PDE6A: variants seen among roughly 807,000 people sequenced by gnomAD.
The protein encoded by PDE6A is phosphodiesterase 6A, also known as rod cGMP-specific 3',5'-cyclic phosphodiesterase subunit alpha.
A neutral mutation model predicts 106.3 loss-of-function variants in PDE6A; 84 were observed. The observed-to-expected ratio is 0.79, with a 90% CI of 0.66 to 0.95. The LOEUF (loss-of-function observed/expected upper bound fraction) is 0.95. Among genes scored for constraint, PDE6A ranks in the 40% least tolerant of loss-of-function variants. The pLI is 0.00. For missense variants in PDE6A, 1,052 were observed against 1,084.9 expected (o/e 0.97, Z 0.43); for synonymous variants, 394 against 386.6 (o/e 1.02, Z -0.23).
chr5:149,887,396 T>C (rs1261828381), intron 13 of PDE6A, among the ~76,000 whole-genome samples: 1 of 152,152 alleles, frequency 6.6e-6, no homozygotes, highest in Non-Finnish European at 1.5e-5. Flanking sequence ...GGGCCAGGCA[T>C]GGCAGGTCAC....
intron 5 of PDE6A, among the ~76,000 whole-genome samples, chr5:149,918,138 T>C (rs1172460476): frequency 6.6e-6 from 1 of 152,230 alleles, no homozygotes; most frequent in African/African-American, 2.4e-5. Flanking sequence ...TTGACCCACA[T>C]GTGGTGATGG....
chr5:149,889,972 T>C (rs1486414917), intron 13 of PDE6A, among the ~76,000 whole-genome samples: 2 of 150,784 alleles, frequency 1.3e-5, no homozygotes, highest in Non-Finnish European at 3.0e-5. Context: ...TTTTTTTTTT[T>C]TGAGACAGAG....
chr5:149,882,892 G>T (rs1411460909), intron 17 of PDE6A, among the ~76,000 whole-genome samples: 1 of 151,964 alleles, frequency 6.6e-6, no homozygotes, highest in Non-Finnish European at 1.5e-5. Context: ...ACCCGGTCTC[G>T]ACTAAAAATA....
intron 4 of PDE6A, among the ~76,000 whole-genome samples, chr5:149,923,505 TAACATA>T (rs1374779311): frequency 1.7e-3 from 5 of 2,950 alleles, no homozygotes; most frequent in Non-Finnish European, 1.8e-3. Context: ...CTCAAATAAA[TAACATA>T]ACATAACATA....
chr5:149,934,402 G>A (rs1382042368), intron 2 of PDE6A, among the ~76,000 whole-genome samples, 164 bp downstream of exon 2: 1 of 152,248 alleles, frequency 6.6e-6, no homozygotes, highest in Non-Finnish European at 1.5e-5. Context: ...AAAGCCCAAT[G>A]TCTTAACTAT....
intron 8 of PDE6A, among the ~76,000 whole-genome samples, chr5:149,901,098 T>C (rs1271136546): frequency 6.6e-6 from 1 of 152,106 alleles, no homozygotes; most frequent in East Asian, 1.9e-4. Context: ...GTATTTTTAG[T>C]AGAGACAGAG....
intron 8 of PDE6A, 62 bp downstream of exon 8, chr5:149,903,586 T>A: frequency 7.9e-7 from 1 of 1,269,766 alleles, no homozygotes; most frequent in Non-Finnish European, 1.2e-6. Flanking sequence ...TAATGTATTC[T>A]AATGCTCTTT....
At chr5:149,896,033 TG>T (rs546204302) in intron 12 of PDE6A, among the ~76,000 whole-genome samples, 28 of 152,220 alleles carry the variant, frequency 1.8e-4, no homozygotes, top group Non-Finnish European at 3.5e-4. Context: ...CCTGTTTAAA[TG>T]GGTTTAGCCC....
chr5:149,899,433 G>A lies in PDE6A; in HGVS notation c.1205C>T (p.Thr402Ile), dbSNP rs747185557. ...NKKEEIVGVATFYNRKDGKPF... is the reference protein window; with the variant it reads ...NKKEEIVGVAIFYNRKDGKPF... ...CTTCCCATCTTTACGATTGTAAAAT[G>A]TGGCCACTCCAACAATTTCTTCCTT... Residue 402 changes from threonine (T) to isoleucine (I), a missense_variant, in exon 9 of 22, where the codon ACA (threonine) becomes ATA (isoleucine). By Grantham distance (89) the Thr-to-Ile change is moderately conservative. Transcript: ENST00000255266. 1.2e-6 allele frequency: 2 copies of A among 1,613,988 alleles called. No individual in the cohort carries two copies. The highest frequency in any genetic ancestry group is 4.5e-5 in the East Asian group (2 of 44,900).
chr5:149,939,231 G>T (rs977263092), intron 1 of PDE6A, among the ~76,000 whole-genome samples: 1 of 152,188 alleles, frequency 6.6e-6, no homozygotes, highest in Admixed American at 6.5e-5. Context: ...TCCAGGGAAG[G>T]TGAGGTGTGG....
At chr5:149,903,836 C>T (rs1753079189) in intron 7 of PDE6A, 141 bp from the exon 8 acceptor site, 3 of 785,518 alleles carry the variant, frequency 3.8e-6, no homozygotes, top group African/African-American at 1.7e-5. Context: ...ATAGTCGAGA[C>T]AGTTTTCAAT....
At chr5:149,901,344 C>G (rs542435039) in intron 8 of PDE6A, among the ~76,000 whole-genome samples, 1 of 152,212 alleles carries the variant, frequency 6.6e-6, no homozygotes, top group East Asian at 2.0e-4. Flanking sequence ...CCCTGACCAA[C>G]ATGGTGAAAC....
At position 149,860,653 on chromosome 5, in the gene PDE6A, A is replaced by ATT. The variant is rs36043437; in HGVS notation, c.*240_*241dup. 1,945 of 334,256 alleles carry ATT rather than the reference A, an allele frequency of 5.8e-3. No homozygotes were observed. The highest frequency in any genetic ancestry group is 9.4e-3 in the Middle Eastern group (11 of 1,172). The allele number at this position is 334,256 out of a possible 1,614,324, so 20.7% of individuals were successfully genotyped here. On this transcript the variant is annotated 3_prime_UTR_variant, in exon 22 of 22. Coordinates refer to ENST00000255266, the MANE Select transcript of PDE6A (RefSeq NM_000440.3). ...CATTATGAAATTTTTTTTTTTGGCG[A>ATT]TTTTTTTTTTTAAGTTCAACAGCTA...
chr5:149,920,942 A>AAG (rs1554091212), intron 5 of PDE6A, among the ~76,000 whole-genome samples: 286 of 108,306 alleles, frequency 2.6e-3, no homozygotes, highest in African/African-American at 0.011. Context: ...GAAAGAGAGA[A>AAG]AAAGAAAGAA....
At chr5:149,922,606 C>A (rs905397362) in intron 4 of PDE6A, among the ~76,000 whole-genome samples, 4 of 152,200 alleles carry the variant, frequency 2.6e-5, no homozygotes, top group African/African-American at 9.7e-5. Flanking sequence ...GCCACCATGC[C>A]TGGCCCACAA....
In PDE6A at chr5:149,883,500, A is replaced by G. The variant is rs952946602; in HGVS notation, c.2064T>C (p.Ser688=). ...ACTCCTGTTCACTCTCATATGTCTT[A>G]GACTGATCCACGATCTTTTGGAACA... The part of the protein sequence containing the change: ...RTMFQKIVDQ[S]KTYESEQEWT... The change falls in exon 17 of 22, where the codon TCT becomes TCC. Residue 688 remains serine, a synonymous_variant. Transcript: ENST00000255266. 1.2e-6 allele frequency: 2 copies of G among 1,613,674 alleles called. No individual in the cohort carries two copies. Among genetic ancestry groups the G allele is most frequent in the Admixed American group, 1.7e-5 (1 of 60,032 alleles).
intron 6 of PDE6A, among the ~76,000 whole-genome samples, chr5:149,909,071 GGCT>G (rs1486148337): frequency 6.6e-6 from 1 of 151,690 alleles, no homozygotes; most frequent in Non-Finnish European, 1.5e-5. Flanking sequence ...GTGTTGTCCA[GGCT>G]GTTCTTGAAT....
intron 4 of PDE6A, among the ~76,000 whole-genome samples, chr5:149,922,810 A>T (rs1753759852): frequency 6.6e-6 from 1 of 152,256 alleles, no homozygotes; most frequent in Non-Finnish European, 1.5e-5. Context: ...GACACCTGTA[A>T]GATAAGTGGC....
rs1355757797 is a variant in PDE6A at position 149,858,499 on chromosome 5, G to T, written c.*2396C>A. The T allele has an allele frequency of 6.6e-6, 1 of 152,298 alleles. No individual in the cohort carries two copies. The highest frequency in any genetic ancestry group is 2.1e-4 in the South Asian group (1 of 4,830). The allele number at this position is 152,298 out of a possible 1,614,324, so 9.4% of individuals were successfully genotyped here. A position where few individuals can be genotyped will look rare whatever the true frequency, so the allele number is the denominator to read the frequency against. On this transcript the variant is annotated 3_prime_UTR_variant, in exon 22 of 22. Coordinates refer to ENST00000255266, the MANE Select transcript of PDE6A (RefSeq NM_000440.3). ...TTTAAAAGAAATAAGTCCTGGCCAG[G>T]TGCAGTGGCTCACGCCTGTAATCCC... is the stretch of plus-strand genomic sequence containing the variant.
Sources: gnomAD v4.1 joint callset for allele counts (sites outside exome capture counted in the v4.1 genomes callset) on GRCh38, gnomAD v4.1.1 for gene constraint, MANE v1.5 for transcripts, NCBI Gene and HGNC (gene_info 2026-07-23, HGNC 2026-07-21) for gene names.